CNKSR3: variants seen among roughly 807,000 people sequenced by gnomAD.
The protein encoded by CNKSR3 is connector enhancer of kinase suppressor of ras 3.
Under a neutral mutation model 67.7 loss-of-function variants are expected in CNKSR3, and 36 were observed. That is an observed-to-expected ratio of 0.53 (90% CI 0.41 to 0.70). The LOEUF (loss-of-function observed/expected upper bound fraction) is 0.70. Ranked by LOEUF, CNKSR3 falls within the 30% of genes least tolerant of loss-of-function variation. The pLI, the probability that CNKSR3 is intolerant of heterozygous loss-of-function variation, is 0.00. For synonymous variants in CNKSR3, 281 were observed against 271.4 expected (o/e 1.04, Z -0.35); for missense variants, 630 against 695.2 (o/e 0.91, Z 1.05).
intron 7 of CNKSR3, 74 bp downstream of exon 7, chr6:154,428,054 T>C: frequency 1.0e-6 from 1 of 987,392 alleles, no homozygotes; most frequent in Non-Finnish European, 1.6e-6. Context: ...ACGTTTAAAT[T>C]CAAAGTATAG....
At chr6:154,500,833 T>C (rs1179201155) in intron 1 of CNKSR3, among the ~76,000 whole-genome samples, 1 of 152,230 alleles carries the variant, frequency 6.6e-6, no homozygotes, top group Non-Finnish European at 1.5e-5. Context: ...TTTGCTTTAA[T>C]AAACAACCAT....
intron 9 of CNKSR3, among the ~76,000 whole-genome samples, chr6:154,417,775 T>C (rs1206173272): frequency 1.3e-5 from 2 of 152,046 alleles, no homozygotes; most frequent in Non-Finnish European, 2.9e-5. Context: ...GACCACCATT[T>C]GCACACCAAG....
rs1787183399 is a variant in CNKSR3 at position 154,510,046 on chromosome 6, C to T, written c.52+17G>A. 1 of 1,614,028 alleles carries T rather than the reference C, an allele frequency of 6.2e-7. No individual in the cohort carries two copies. The highest frequency in any genetic ancestry group is 1.6e-4 in the Middle Eastern group (1 of 6,062). On this transcript the variant is annotated intron_variant, in intron 1 of 12. Transcript: ENST00000607772. ...CCCGAGGCTGGAGGACTCCGGACCC[C>T]CCCAAGGCCCGCGCACCTCTAGTCC...
intron 4 of CNKSR3, among the ~76,000 whole-genome samples, chr6:154,440,781 G>A (rs1427094555): frequency 6.6e-6 from 1 of 152,118 alleles, no homozygotes; most frequent in African/African-American, 2.4e-5. Context: ...TTGCCCTCTA[G>A]CCCTGACCCA....
intron 4 of CNKSR3, among the ~76,000 whole-genome samples, chr6:154,436,711 T>C (rs1349006823): frequency 6.6e-6 from 1 of 152,096 alleles, no homozygotes; most frequent in East Asian, 1.9e-4. Flanking sequence ...TGTGTCTCTC[T>C]TGCCGTCTCT....
intron 1 of CNKSR3, among the ~76,000 whole-genome samples, chr6:154,456,125 G>A (rs1582875503): frequency 6.6e-6 from 1 of 152,168 alleles, no homozygotes; most frequent in Non-Finnish European, 1.5e-5. Context: ...GACCACTTTA[G>A]TGGAAAGTGT....
At chr6:154,466,856 C>A (rs1786213481) in intron 1 of CNKSR3, among the ~76,000 whole-genome samples, 1 of 150,662 alleles carries the variant, frequency 6.6e-6, no homozygotes, top group South Asian at 2.1e-4. Flanking sequence ...AACTCCTGGG[C>A]TCAAGTGATC....
chr6:154,443,064 A>C (rs1453454516), intron 2 of CNKSR3, among the ~76,000 whole-genome samples: 2 of 151,798 alleles, frequency 1.3e-5, no homozygotes, highest in East Asian at 3.9e-4. Flanking sequence ...TGCCGGGCTA[A>C]TTTTTGTATT....
chr6:154,449,089 A>C (rs1345466037), intron 2 of CNKSR3, among the ~76,000 whole-genome samples: 2 of 152,180 alleles, frequency 1.3e-5, no homozygotes, highest in Non-Finnish European at 2.9e-5. Flanking sequence ...GAAGCTACCC[A>C]TGTGATTCTA....
intron 1 of CNKSR3, among the ~76,000 whole-genome samples, chr6:154,500,277 A>C (rs941260508): frequency 5.3e-5 from 8 of 151,578 alleles, no homozygotes; most frequent in African/African-American, 1.5e-4. Context: ...ACACACACAC[A>C]CACACACACA....
intron 1 of CNKSR3, among the ~76,000 whole-genome samples, chr6:154,463,552 C>T (rs1453114688): frequency 6.6e-6 from 1 of 152,088 alleles, no homozygotes; most frequent in African/African-American, 2.4e-5. Context: ...TTGCTATGCT[C>T]GCGGCTTCAC....
At chr6:154,465,396 A>T (rs773225229) in intron 1 of CNKSR3, among the ~76,000 whole-genome samples, 11 of 152,150 alleles carry the variant, frequency 7.2e-5, no homozygotes, top group Non-Finnish European at 1.2e-4. Flanking sequence ...AAACAGGTAA[A>T]TGTCACTTTC....
At chr6:154,454,248 C>T (rs1408483242) in intron 1 of CNKSR3, among the ~76,000 whole-genome samples, 1 of 151,944 alleles carries the variant, frequency 6.6e-6, no homozygotes, top group African/African-American at 2.4e-5. Flanking sequence ...CTAATACTAC[C>T]CACTACATAG....
intron 1 of CNKSR3, among the ~76,000 whole-genome samples, chr6:154,479,128 A>G (rs1378577307): frequency 6.6e-6 from 1 of 152,046 alleles, no homozygotes; most frequent in African/African-American, 2.4e-5. Context: ...TCCTTAGAAC[A>G]CCCAAACAGA....
rs35873703 is a variant in CNKSR3, at chr6:154,415,228, A to ATTTTTTTTTTTTTT, written c.946-819_946-806dup. Among the ~76,000 whole-genome samples, 15 of 118,108 alleles carry ATTTTTTTTTTTTTT rather than the reference A, an allele frequency of 1.3e-4. 2 individuals carry two copies. Among genetic ancestry groups the ATTTTTTTTTTTTTT allele is most frequent in the African/African-American group, 3.6e-4 (11 of 30,272 alleles). The allele number at this position is 118,108 out of a possible 152,430, so 77.5% of individuals were successfully genotyped here. A position where few individuals can be genotyped will look rare whatever the true frequency, so the allele number is the denominator to read the frequency against. ...TCCTGGCTAGACTTACTAGCTGCCC[A>ATTTTTTTTTTTTTT]TTTTTTTTTTTTTTTTTTTTAAGAT... On this transcript the variant is annotated intron_variant, in intron 9 of 12. Coordinates refer to ENST00000607772, the MANE Select transcript of CNKSR3 (RefSeq NM_173515.4).
chr6:154,413,711 G>A (rs917741706), intron 10 of CNKSR3, among the ~76,000 whole-genome samples: 2 of 151,982 alleles, frequency 1.3e-5, no homozygotes, highest in African/African-American at 4.8e-5. Context: ...AGGAGAGCAC[G>A]TTTTCATTCG....
chr6:154,413,060 T>A (rs1784941494), intron 10 of CNKSR3, among the ~76,000 whole-genome samples: 2 of 151,764 alleles, frequency 1.3e-5, no homozygotes, highest in African/African-American at 4.8e-5. Context: ...TCCTGTACAC[T>A]CTATATACCA....
chr6:154,407,886 A>AAAC (rs1554230770), intron 12 of CNKSR3, among the ~76,000 whole-genome samples: 1 of 151,168 alleles, frequency 6.6e-6, no homozygotes, highest in Non-Finnish European at 1.5e-5. Flanking sequence ...AAAAAAAAAA[A>AAAC]AAAAAAAAAC....
chr6:154,496,639 A>G (rs1473371829), intron 1 of CNKSR3, among the ~76,000 whole-genome samples: 2 of 152,232 alleles, frequency 1.3e-5, no homozygotes, highest in African/African-American at 2.4e-5. Flanking sequence ...ACCTAAAAAC[A>G]TGAAGGGACT....
Sources: gnomAD v4.1 joint callset for allele counts (sites outside exome capture counted in the v4.1 genomes callset) on GRCh38, gnomAD v4.1.1 for gene constraint, MANE v1.5 for transcripts, NCBI Gene and HGNC (gene_info 2026-07-23, HGNC 2026-07-21) for gene names.